The following TBCK variants were observed in gnomAD, a reference collection of about 807,000 sequenced individuals.
The protein encoded by TBCK is TBC domain-containing protein kinase-like protein.
In TBCK, 99 loss-of-function variants were observed where a neutral mutation model predicts 113.4. The ratio of observed to expected loss-of-function variants is 0.87; its 90% CI spans 0.74 to 1.03. The LOEUF (loss-of-function observed/expected upper bound fraction) is 1.03, where lower values mean the gene tolerates loss of function less well. TBCK is among the 50% of genes least tolerant of loss of function. TBCK has a pLI of 0.00. For missense variants in TBCK, 1,045 were observed against 1,061.3 expected, an observed-to-expected ratio of 0.98 and a Z score of 0.21; for synonymous variants, 369 against 370.8, an observed-to-expected ratio of 1.00 and a Z score of 0.05.
chr4:106,249,468 G>GTA (rs1424637370), intron 7 of TBCK, among the ~76,000 whole-genome samples: 1 of 152,146 alleles, frequency 6.6e-6, no homozygotes, highest in Admixed American at 6.6e-5. Flanking sequence ...TGGAACTTGA[G>GTA]TACACATGGA....
chr4:106,107,833 C>T (rs897881848), intron 24 of TBCK, among the ~76,000 whole-genome samples: 3 of 152,018 alleles, frequency 2.0e-5, no homozygotes, highest in Non-Finnish European at 4.4e-5. Flanking sequence ...TTCAAAAGAG[C>T]AATAAATTCA....
At chr4:106,244,540 AC>A (rs1760543395) in intron 11 of TBCK, 85 bp downstream of exon 11, 10 of 1,099,652 alleles carry the variant, frequency 9.1e-6, no homozygotes, top group South Asian at 5.7e-5. Context: ...AAAAAAAAAA[AC>A]ACCGATTTTC....
chr4:106,114,970 T>C (rs993757434), intron 24 of TBCK, among the ~76,000 whole-genome samples: 10 of 152,084 alleles, frequency 6.6e-5, no homozygotes, highest in African/African-American at 2.2e-4. Context: ...GATATCAACA[T>C]TTATACTCTC....
chr4:106,095,995 A>G (rs1740853965), intron 24 of TBCK, among the ~76,000 whole-genome samples: 1 of 152,196 alleles, frequency 6.6e-6, no homozygotes, highest in African/African-American at 2.4e-5. Flanking sequence ...TAAATTTTCT[A>G]GTCAGCTGCT....
chr4:106,180,005 T>A (rs1043997592), intron 22 of TBCK, among the ~76,000 whole-genome samples: 3 of 152,122 alleles, frequency 2.0e-5, no homozygotes, highest in Admixed American at 2.0e-4. Context: ...TTGTCTTTTT[T>A]AAAACTATTA....
chr4:106,254,459 G>A (rs752465678), intron 5 of TBCK, among the ~76,000 whole-genome samples: 5 of 152,130 alleles, frequency 3.3e-5, no homozygotes, highest in Admixed American at 6.5e-5. Context: ...CAGTAATTAT[G>A]ACTTGAAATA....
intron 23 of TBCK, among the ~76,000 whole-genome samples, chr4:106,120,269 A>T (rs1744123053): frequency 6.6e-6 from 1 of 152,058 alleles, no homozygotes; most frequent in South Asian, 2.1e-4. Context: ...CCCTTAAAAA[A>T]CGGCGCACCA....
chr4:106,237,490 C>T (rs1759603986), intron 12 of TBCK: 2 of 455,652 alleles, frequency 4.4e-6, no homozygotes, highest in Non-Finnish European at 8.8e-6. Flanking sequence ...TGCCATCTTG[C>T]CTGCTGCTCT....
chr4:106,168,668 T>A (rs767546981), intron 23 of TBCK, among the ~76,000 whole-genome samples: 1 of 151,786 alleles, frequency 6.6e-6, no homozygotes, highest in Non-Finnish European at 1.5e-5. Context: ...ATATAAAAGG[T>A]CAAACGCTTT....
intron 20 of TBCK, among the ~76,000 whole-genome samples, chr4:106,198,829 G>T (rs2149833108): frequency 6.6e-6 from 1 of 152,092 alleles, no homozygotes; most frequent in African/African-American, 2.4e-5. Context: ...TCAGACATAC[G>T]AACAGATACC....
Position 106,193,669 on chromosome 4 carries a change from G to C in TBCK, c.1999C>G (p.Arg667Gly). 6.2e-7 allele frequency: 1 copy of C among 1,613,374 alleles called. No individual in the cohort carries two copies. Among genetic ancestry groups the C allele is most frequent in the Non-Finnish European group, 8.5e-7 (1 of 1,179,576 alleles). ...CIGVAILQQL[R>G]DRLLANGFNE... The stretch of plus-strand genomic sequence containing the variant: ...AAGCCATTAGCCAAAAGCCGGTCCC[G>C]CAGCTGCTGAAGAATTGCTACTCCA... The change falls in exon 22 of 26, where the codon CGG (arginine) becomes GGG (glycine). Residue 667 changes from arginine to glycine, a missense_variant. Physicochemically the swap from Arg to Gly is moderately radical, Grantham distance 125. Coordinates refer to ENST00000394708, the MANE Select transcript of TBCK (RefSeq NM_001163435.3).
chr4:106,272,989 CA>C (rs1464446087), intron 3 of TBCK, among the ~76,000 whole-genome samples: 1 of 152,130 alleles, frequency 6.6e-6, no homozygotes, highest in Admixed American at 6.5e-5. Flanking sequence ...CCTACAGTAA[CA>C]GTTAAAATAA....
intron 19 of TBCK, among the ~76,000 whole-genome samples, chr4:106,229,432 G>C (rs1056929196): frequency 1.4e-5 from 2 of 144,226 alleles, no homozygotes; most frequent in Non-Finnish European, 2.9e-5. Flanking sequence ...TATGTTGACA[G>C]ATAGAGGTCT....
At chr4:106,061,145 A>C in intron 25 of TBCK, among the ~76,000 whole-genome samples, 1 of 151,890 alleles carries the variant, frequency 6.6e-6, no homozygotes, top group South Asian at 2.1e-4. Flanking sequence ...TTGATAAAGC[A>C]ACAACAGGAT....
chr4:106,102,637 A>G (rs1426466127), intron 24 of TBCK, among the ~76,000 whole-genome samples: 1 of 142,150 alleles, frequency 7.0e-6, no homozygotes, highest in Non-Finnish European at 1.6e-5. Context: ...ATCTCCTGGA[A>G]GCACAATTTA....
At position 106,136,483 on chromosome 4, in the gene TBCK, G is replaced by A. The variant is rs181756913; in HGVS notation, c.2236-20105C>T. 2.1e-3 allele frequency among the ~76,000 whole-genome samples: 291 copies of A among 141,310 alleles called. 64 individuals carry two copies. The highest frequency in any genetic ancestry group is 3.3e-3 in the Non-Finnish European group (205 of 62,138). 92.7% of individuals were successfully genotyped at this position (141,310 alleles called of 152,430 possible). A position where few individuals can be genotyped will look rare whatever the true frequency, so the allele number is the denominator to read the frequency against. On this transcript the variant is annotated intron_variant, in intron 23 of 25. Coordinates refer to ENST00000394708, the MANE Select transcript of TBCK (RefSeq NM_001163435.3). The stretch of plus-strand genomic sequence containing the variant: ...TTGAAAGGATGAATAGGAGTTTGCC[G>A]TATAAATAACTGGGGGTTTTCAAGT...
At chr4:106,276,552 C>CAAT (rs994061978) in intron 3 of TBCK, among the ~76,000 whole-genome samples, 1 of 151,930 alleles carries the variant, frequency 6.6e-6, no homozygotes, top group Admixed American at 6.6e-5. Flanking sequence ...TCTCTAAATA[C>CAAT]AATAATAATA....
intron 24 of TBCK, among the ~76,000 whole-genome samples, chr4:106,109,799 C>T (rs1578919713): frequency 6.6e-6 from 1 of 152,282 alleles, no homozygotes; most frequent in South Asian, 2.1e-4. Flanking sequence ...TTAAGAGCTT[C>T]TGCACAGCAA....
chr4:106,123,694 T>C (rs1352666722), intron 23 of TBCK, among the ~76,000 whole-genome samples: 6 of 151,802 alleles, frequency 4.0e-5, no homozygotes, highest in East Asian at 1.9e-4. Flanking sequence ...AGAAATAACG[T>C]CGCATATCTA....
Sources: allele counts gnomAD v4.1 joint callset (sites outside exome capture counted in the v4.1 genomes callset), GRCh38; gene constraint gnomAD v4.1.1; transcripts MANE v1.5; gene names NCBI Gene and HGNC (gene_info 2026-07-23, HGNC 2026-07-21).